EXOSC5: variants seen among roughly 807,000 people sequenced by gnomAD.
The protein encoded by EXOSC5 is exosome component 5, also known as exosome complex component RRP46.
In EXOSC5, 15 loss-of-function variants were observed where a neutral mutation model predicts 23.7. That is an observed-to-expected ratio of 0.63 (90% CI 0.42 to 0.97). The LOEUF (loss-of-function observed/expected upper bound fraction) is 0.97, where lower values mean the gene tolerates loss of function less well. Ranked by LOEUF, EXOSC5 falls within the 50% of genes least tolerant of loss-of-function variation. EXOSC5 has a pLI of 0.00. For synonymous variants in EXOSC5, 143 were observed against 140.9 expected, an observed-to-expected ratio of 1.02 and a Z score of -0.11; for missense variants, 305 against 316.3, an observed-to-expected ratio of 0.96 and a Z score of 0.27.
chr19:41,393,430 A>G (rs1393169255), intron 1 of EXOSC5, among the ~76,000 whole-genome samples: 2 of 151,904 alleles, frequency 1.3e-5, no homozygotes, highest in African/African-American at 2.4e-5. Flanking sequence ...ATGCCTGACT[A>G]ATTTTTATAT....
intron 2 of EXOSC5, 155 bp from the exon 3 acceptor site, chr19:41,392,117 C>G (rs1395010333): frequency 9.0e-7 from 1 of 1,116,092 alleles, no homozygotes; most frequent in African/African-American, 1.6e-5. Flanking sequence ...GGGAAGAAGG[C>G]AAGGCCTGAC....
Position 41,387,792 on chromosome 19 carries a change from GAAAAAA to G in EXOSC5, c.526-195_526-190del, listed in dbSNP as rs58638587. 1.6e-4 allele frequency among the ~76,000 whole-genome samples: 19 copies of G among 116,344 alleles called. No individual in the cohort carries two copies. In the East Asian group the frequency reaches 2.9e-3, roughly 18 times the overall value. 76.3% of individuals were successfully genotyped at this position (116,344 alleles called of 152,430 possible). On this transcript the variant is annotated intron_variant, in intron 4 of 5. Coordinates refer to ENST00000221233, the MANE Select transcript of EXOSC5 (RefSeq NM_020158.4). ...GGCAACAGAGGGAGACCCCATCTCA[GAAAAAA>G]AAAAAAAAAAAAGGTAGCTGGGTGT... is the stretch of plus-strand genomic sequence containing the variant.
At chr19:41,391,300 A>G (rs893902726) in intron 3 of EXOSC5, among the ~76,000 whole-genome samples, 1 of 152,214 alleles carries the variant, frequency 6.6e-6, no homozygotes, top group African/African-American at 2.4e-5. Context: ...CCCGGGAGGT[A>G]GAGGTTGCAG....
intron 1 of EXOSC5, among the ~76,000 whole-genome samples, chr19:41,396,298 C>T (rs2039063091): frequency 1.3e-5 from 2 of 152,090 alleles, no homozygotes. Flanking sequence ...CAACTTCTGC[C>T]TCCCAGGTTC....
At chr19:41,394,454 G>A (rs1252359462) in intron 1 of EXOSC5, among the ~76,000 whole-genome samples, 3 of 152,056 alleles carry the variant, frequency 2.0e-5, no homozygotes, top group African/African-American at 7.2e-5. Flanking sequence ...GGAGGCCCAG[G>A]TGGGAGGACT....
chr19:41,386,575 A>T lies in EXOSC5; in HGVS notation c.*58T>A. The T allele has an allele frequency of 6.6e-7, 1 of 1,516,334 alleles. No individual in the cohort carries two copies. The highest frequency in any genetic ancestry group is 8.9e-7 in the Non-Finnish European group (1 of 1,119,452). 93.9% of individuals were successfully genotyped at this position (1,516,334 alleles called of 1,614,324 possible). On this transcript the variant is annotated 3_prime_UTR_variant, in exon 6 of 6. Transcript: ENST00000221233. ...CAAGGCTGGGCTGCTGGTTTGCTTC[A>T]GGCTGTAGGGGGTGAGTGGGTGGAG...
At chr19:41,392,647 T>G (rs1599941329) in intron 2 of EXOSC5, among the ~76,000 whole-genome samples, 1 of 147,758 alleles carries the variant, frequency 6.8e-6, no homozygotes, top group Non-Finnish European at 1.5e-5. Flanking sequence ...TGAATGAGAG[T>G]GGAGGCAGAG....
intron 1 of EXOSC5, among the ~76,000 whole-genome samples, chr19:41,396,401 G>C (rs989869145): frequency 2.0e-5 from 3 of 152,032 alleles, no homozygotes; most frequent in Non-Finnish European, 2.9e-5. Context: ...GTAGAGACAG[G>C]GTTTCGCCAT....
intron 4 of EXOSC5, among the ~76,000 whole-genome samples, chr19:41,387,856 G>A (rs956632147): frequency 4.0e-5 from 6 of 151,708 alleles, no homozygotes; most frequent in Admixed American, 2.0e-4. Flanking sequence ...AGCTACTCAG[G>A]AGGCAGAGGT....
rs1599944468 is a variant in EXOSC5 at position 41,397,345 on chromosome 19, G to GA, written c.-18_-17insT. 6.3e-6 allele frequency: 10 copies of GA among 1,598,946 alleles called. No individual in the cohort carries two copies. Among genetic ancestry groups the GA allele is most frequent in the Non-Finnish European group, 5.1e-6 (6 of 1,169,696 alleles). ...CTCCTCCATCGCGCCGAGCCCACGT[G>GA]CGGCTGCAGTTGTCACTTCCGCCTG... is the stretch of plus-strand genomic sequence containing the variant. On this transcript the variant is annotated 5_prime_UTR_variant, in exon 1 of 6. Coordinates refer to ENST00000221233, the MANE Select transcript of EXOSC5 (RefSeq NM_020158.4).
intron 1 of EXOSC5, among the ~76,000 whole-genome samples, chr19:41,393,881 T>C (rs1429496638): frequency 6.6e-6 from 1 of 152,130 alleles, no homozygotes; most frequent in African/African-American, 2.4e-5. Context: ...CAGGAAGTTC[T>C]TCCTGAAAGC....
intron 3 of EXOSC5, among the ~76,000 whole-genome samples, chr19:41,390,132 T>C (rs553761393): frequency 6.6e-6 from 1 of 152,088 alleles, no homozygotes; most frequent in African/African-American, 2.4e-5. Flanking sequence ...GGGGTTTCAC[T>C]ATGTTGGCCA....
chr19:41,387,833 TG>T (rs1290398638), intron 4 of EXOSC5, among the ~76,000 whole-genome samples: 1 of 146,470 alleles, frequency 6.8e-6, no homozygotes, highest in Non-Finnish European at 1.5e-5. Context: ...TGGGGGTGCA[TG>T]TCTGAGTTCC....
chr19:41,387,421 G>T, intron 5 of EXOSC5, 93 bp downstream of exon 5: 1 of 998,926 alleles, frequency 1.0e-6, no homozygotes, highest in Non-Finnish European at 1.4e-6. Flanking sequence ...AGGCTCTCCT[G>T]AAGCCTCTCA....
At chr19:41,387,929 G>A (rs2038996400) in intron 4 of EXOSC5, among the ~76,000 whole-genome samples, 1 of 152,070 alleles carries the variant, frequency 6.6e-6, no homozygotes. Flanking sequence ...CTACACTCCA[G>A]CATGGGCGAC....
intron 1 of EXOSC5, among the ~76,000 whole-genome samples, chr19:41,393,250 C>T (rs1175132672): frequency 6.6e-6 from 1 of 152,216 alleles, no homozygotes; most frequent in Non-Finnish European, 1.5e-5. Context: ...CAGACTTTAG[C>T]TGTATTAGTA....
chr19:41,391,787 G>A, intron 3 of EXOSC5, 54 bp downstream of exon 3: 1 of 1,468,776 alleles, frequency 6.8e-7, no homozygotes, highest in Admixed American at 2.8e-5. Flanking sequence ...GTATCCGCCA[G>A]GAGGGAAGCA....
At position 41,387,219 on chromosome 19, in the gene EXOSC5, G is replaced by C. The variant is rs114566243; in HGVS notation, c.615+295C>G. On this transcript the variant is annotated intron_variant, in intron 5 of 5. Transcript: ENST00000221233. Reference sequence around the variant, plus strand: ...GTTTCCAGGCTCTGCCCCTTAGCCTGAGACCTGGAATTCCCATGGCTCACC... The same window carrying C: ...GTTTCCAGGCTCTGCCCCTTAGCCTCAGACCTGGAATTCCCATGGCTCACC... 0.023 allele frequency among the ~76,000 whole-genome samples: 3,431 copies of C among 152,240 alleles called. 123 individuals carry two copies. Among genetic ancestry groups the C allele is most frequent in the African/African-American group, 0.077 (3,209 of 41,516 alleles).
intron 1 of EXOSC5, 68 bp downstream of exon 1, chr19:41,397,113 G>A (rs1296496030): frequency 1.3e-6 from 2 of 1,528,282 alleles, no homozygotes; most frequent in East Asian, 4.6e-5. Context: ...ATCGTGAGGA[G>A]GTGGGCACTC....
Sources: gnomAD v4.1 joint callset for allele counts (sites outside exome capture counted in the v4.1 genomes callset) on GRCh38, gnomAD v4.1.1 for gene constraint, MANE v1.5 for transcripts, NCBI Gene and HGNC (gene_info 2026-07-23, HGNC 2026-07-21) for gene names.